The following CSMD1 variants were observed in gnomAD, a reference collection of about 807,000 sequenced individuals.
CSMD1 encodes CUB and sushi domain-containing protein 1.
CSMD1 carries 213 observed loss-of-function variants against 417.5 expected under a neutral mutation model. That is an observed-to-expected ratio of 0.51 (90% CI 0.46 to 0.57). The LOEUF is 0.57. CSMD1 is among the 20% of genes least tolerant of loss of function. The pLI, the probability that CSMD1 is intolerant of heterozygous loss-of-function variation, is 0.00. For synonymous variants in CSMD1, 2,862 were observed against 1,736.8 expected, an observed-to-expected ratio of 1.65 and a Z score of -16.11; for missense variants, 6,923 against 4,529.7, an observed-to-expected ratio of 1.53 and a Z score of -15.17.
In CSMD1 at chr8:4,237,726, T is replaced by C. The variant is rs558108625; in HGVS notation, c.415+182227A>G. ...CATGGTTTTGCTATGTTGACCAGGC[T>C]AGTCTCAAATTCTTGGGCTCAAGTG... On this transcript the variant is annotated intron_variant, in intron 3 of 69. Transcript: ENST00000635120. 2.0e-5 allele frequency among the ~76,000 whole-genome samples: 3 copies of C among 152,274 alleles called. No homozygotes were observed. The East Asian group carries it at 5.8e-4, about 29-fold the overall frequency.
At chr8:3,843,779 T>A (rs892090531) in intron 5 of CSMD1, among the ~76,000 whole-genome samples, 1 of 152,176 alleles carries the variant, frequency 6.6e-6, no homozygotes, top group African/African-American at 2.4e-5. Flanking sequence ...AGATCCACCA[T>A]CTGCAAAATG....
chr8:4,925,197 G>C (rs1036654983), intron 1 of CSMD1, among the ~76,000 whole-genome samples: 1 of 142,824 alleles, frequency 7.0e-6, no homozygotes, highest in African/African-American at 2.6e-5. Context: ...ATAAAACATG[G>C]TGAATACCAG....
intron 26 of CSMD1, among the ~76,000 whole-genome samples, chr8:3,242,492 G>T (rs912972226): frequency 2.0e-5 from 3 of 152,060 alleles, no homozygotes; most frequent in Non-Finnish European, 4.4e-5. Context: ...CCCATTCTAT[G>T]CCAAGAATTA....
intron 1 of CSMD1, among the ~76,000 whole-genome samples, chr8:4,822,234 C>T (rs1799564722): frequency 6.6e-6 from 1 of 152,078 alleles, no homozygotes; most frequent in Non-Finnish European, 1.5e-5. Context: ...AACTTACTTT[C>T]ACCGTACCAC....
chr8:3,892,396 C>T (rs1297680212), intron 5 of CSMD1, among the ~76,000 whole-genome samples: 1 of 152,118 alleles, frequency 6.6e-6, no homozygotes, highest in Non-Finnish European at 1.5e-5. Flanking sequence ...TTTACCTACA[C>T]AGATCATCAA....
intron 3 of CSMD1, among the ~76,000 whole-genome samples, chr8:4,255,674 G>A (rs73660709): frequency 0.093 from 14,173 of 152,096 alleles, 956 homozygotes; most frequent in East Asian, 0.33. Flanking sequence ...TATGTATTAC[G>A]TGAAGAGTTA....
At chr8:4,476,792 A>G (rs1374931951) in intron 2 of CSMD1, among the ~76,000 whole-genome samples, 1 of 152,196 alleles carries the variant, frequency 6.6e-6, no homozygotes, top group African/African-American at 2.4e-5. Flanking sequence ...AGCACCTGAC[A>G]CATGAAGTCC....
At chr8:4,450,515 G>C (rs908670303) in intron 2 of CSMD1, among the ~76,000 whole-genome samples, 3 of 152,048 alleles carry the variant, frequency 2.0e-5, no homozygotes, top group South Asian at 2.1e-4. Context: ...CGGGCCTGTA[G>C]TGCCAGCTAC....
chr8:3,829,029 A>G (rs4993885), intron 5 of CSMD1, among the ~76,000 whole-genome samples: 1 of 60,920 alleles, frequency 1.6e-5, no homozygotes, highest in Admixed American at 2.3e-4. Context: ...TTTTTTTTTA[A>G]AAAAATGTAT....
intron 3 of CSMD1, among the ~76,000 whole-genome samples, chr8:4,356,653 T>C (rs933691963): frequency 1.3e-5 from 2 of 152,202 alleles, no homozygotes; most frequent in African/African-American, 4.8e-5. Context: ...CGAAGGTAGT[T>C]CACATACACC....
intron 50 of CSMD1, chr8:3,043,933 A>G (rs1269588121): frequency 6.6e-6 from 1 of 152,314 alleles, no homozygotes; most frequent in Non-Finnish European, 1.5e-5. Context: ...AAATATTCAT[A>G]AATAAAAATG....
At chr8:3,656,991 G>A (rs1798143518) in intron 7 of CSMD1, among the ~76,000 whole-genome samples, 2 of 152,008 alleles carry the variant, frequency 1.3e-5, no homozygotes, top group Admixed American at 1.3e-4. Flanking sequence ...TTTAGGACAT[G>A]GGGATGTGAC....
In CSMD1 at chr8:3,348,260, C is replaced by A. The variant is rs1166985712; in HGVS notation, c.3305-99G>T. 4 of 821,684 alleles carry A rather than the reference C, an allele frequency of 4.9e-6. No individual in the cohort carries two copies. The African/African-American group carries it at 5.3e-5, about 11-fold the overall frequency. 50.9% of individuals were successfully genotyped at this position (821,684 alleles called of 1,614,324 possible). A position where few individuals can be genotyped will look rare whatever the true frequency, so the allele number is the denominator to read the frequency against. On this transcript the variant is annotated intron_variant, in intron 21 of 69. Coordinates refer to ENST00000635120, the MANE Select transcript of CSMD1 (RefSeq NM_033225.6). ...AAATCATGATAGCCTCCTCTTCTAT[C>A]AACGTATGTGTGTTAGTAATATATT... is the stretch of plus-strand genomic sequence containing the variant.
Position 2,998,129 on chromosome 8 carries a change from C to G in CSMD1, c.8259G>C (p.Glu2753Asp), listed in dbSNP as rs1349643493. The change falls in exon 54 of 70, where the codon GAG becomes GAC. Residue 2753 changes from glutamate to aspartate, a missense_variant. Transcript: ENST00000635120. The stretch of plus-strand genomic sequence containing the variant: ...AATTCACGACATCATTCAGGTTGAA[C>G]TCACTGCCATTAGTGAATCCGTGGG... Reference protein sequence around the residue: ...NPAHGFTNGSEFNLNDVVNFT... With the variant: ...NPAHGFTNGSDFNLNDVVNFT... The G allele has an allele frequency of 1.2e-6, 2 of 1,614,020 alleles. No homozygotes were observed. The highest frequency in any genetic ancestry group is 8.5e-7 in the Non-Finnish European group (1 of 1,179,882).
intron 18 of CSMD1, among the ~76,000 whole-genome samples, chr8:3,374,861 C>T (rs76290436): frequency 6.6e-6 from 1 of 152,118 alleles, no homozygotes; most frequent in African/African-American, 2.4e-5. Flanking sequence ...CCAGACCCTG[C>T]CAAAGTCTTC....
chr8:3,089,078 A>G (rs75886706), intron 48 of CSMD1, among the ~76,000 whole-genome samples: 1,563 of 152,246 alleles, frequency 0.01, 28 homozygotes, highest in African/African-American at 0.036. Context: ...AGGGCCCTAC[A>G]GGGGAAACCA....
chr8:4,186,583 T>C (rs1217473769), intron 3 of CSMD1, among the ~76,000 whole-genome samples: 1 of 152,212 alleles, frequency 6.6e-6, no homozygotes, highest in Admixed American at 6.5e-5. Context: ...GGTCTCAGCA[T>C]TGCTAATGTC....
chr8:3,172,952 T>A (rs373066997), intron 37 of CSMD1, among the ~76,000 whole-genome samples: 1 of 152,220 alleles, frequency 6.6e-6, no homozygotes, highest in African/African-American at 2.4e-5. Context: ...TGATAGGACC[T>A]ACCACTGAAA....
chr8:4,207,415 T>G (rs1800044015), intron 3 of CSMD1, among the ~76,000 whole-genome samples: 1 of 152,128 alleles, frequency 6.6e-6, no homozygotes, highest in South Asian at 2.1e-4. Context: ...AAATCATATT[T>G]TGTCTTCAAC....
Sources: allele counts gnomAD v4.1 joint callset (sites outside exome capture counted in the v4.1 genomes callset), GRCh38; gene constraint gnomAD v4.1.1; transcripts MANE v1.5; gene names NCBI Gene and HGNC (gene_info 2026-07-23, HGNC 2026-07-21).